Variants in TTLL5 observed in about 807,000 individuals in gnomAD.
The protein encoded by TTLL5 is tubulin tyrosine ligase like 5.
A neutral mutation model predicts 168.4 loss-of-function variants in TTLL5; 132 were observed. The ratio of observed to expected loss-of-function variants is 0.78; its 90% CI spans 0.68 to 0.91. The LOEUF is 0.91. Ranked by LOEUF, TTLL5 falls within the 40% of genes least tolerant of loss-of-function variation. The probability of loss-of-function intolerance (pLI) is 0.00; values close to 1 mark genes in which losing one functional copy is unlikely to be tolerated. For missense variants in TTLL5, 1,545 were observed against 1,581.5 expected (o/e 0.98, Z 0.39); for synonymous variants, 546 against 558.6 (o/e 0.98, Z 0.32).
At chr14:75,720,021 C>T (rs555474551) in intron 11 of TTLL5, among the ~76,000 whole-genome samples, 195 bp downstream of exon 11, 39 of 152,266 alleles carry the variant, frequency 2.6e-4, no homozygotes, top group African/African-American at 7.0e-4. Flanking sequence ...TTTCTTGTTT[C>T]GGGTCTGAAA....
At chr14:75,940,507 G>A (rs1459201928) in intron 31 of TTLL5, among the ~76,000 whole-genome samples, 1 of 152,160 alleles carries the variant, frequency 6.6e-6, no homozygotes, top group Non-Finnish European at 1.5e-5. Flanking sequence ...ATATACTCAA[G>A]TAGGTTATGC....
chr14:75,924,896 G>C (rs1021817294), intron 31 of TTLL5, among the ~76,000 whole-genome samples: 1 of 151,470 alleles, frequency 6.6e-6, no homozygotes, highest in African/African-American at 2.4e-5. Flanking sequence ...GGATGGGGCG[G>C]CTGGTCGGGC....
At position 75,766,338 on chromosome 14, in the gene TTLL5, T is replaced by A. The variant is rs1566594580; in HGVS notation, c.1985T>A (p.Met662Lys). 1.9e-6 allele frequency: 3 copies of A among 1,612,548 alleles called. No individual in the cohort carries two copies. Among genetic ancestry groups the A allele is most frequent in the Non-Finnish European group, 2.5e-6 (3 of 1,179,516 alleles). ...TQELEPKFNL[M>K]QILQDNGNLS... Reference sequence around the variant, plus strand: ...GAGCTAGAGCCTAAATTTAACCTGATGCAGATTCTTCAAGATAATGGCAAT... The same window carrying A: ...GAGCTAGAGCCTAAATTTAACCTGAAGCAGATTCTTCAAGATAATGGCAAT... Residue 662 changes from methionine (M) to lysine (K), a missense_variant, in exon 20 of 32, where the codon ATG (methionine) becomes AAG (lysine). Coordinates refer to ENST00000298832, the MANE Select transcript of TTLL5 (RefSeq NM_015072.5).
In TTLL5 at chr14:75,802,238, A is replaced by G. The variant is rs1893365350; in HGVS notation, c.3171+9138A>G. Among the ~76,000 whole-genome samples the G allele has an allele frequency of 2.0e-5, 3 of 151,440 alleles. No homozygotes were observed. In the South Asian group the frequency reaches 6.3e-4, roughly 32 times the overall value. On this transcript the variant is annotated intron_variant, in intron 27 of 31. Transcript: ENST00000298832. ...TCCTTAACTTTGTTCCACTATTTCAATATTTCTCCCCACCTTGAGTTAAAT... is the reference window on the plus strand; with the variant it reads ...TCCTTAACTTTGTTCCACTATTTCAGTATTTCTCCCCACCTTGAGTTAAAT...
intron 28 of TTLL5, among the ~76,000 whole-genome samples, chr14:75,832,807 G>C (rs530174747): frequency 2.6e-5 from 4 of 152,306 alleles, no homozygotes; most frequent in African/African-American, 9.6e-5. Flanking sequence ...AGCATTAAAC[G>C]GTCCATTCCA....
chr14:75,785,666 A>G (rs1892325267), intron 26 of TTLL5, among the ~76,000 whole-genome samples: 1 of 152,230 alleles, frequency 6.6e-6, no homozygotes, highest in Non-Finnish European at 1.5e-5. Context: ...CTTCTCAAAA[A>G]TCAATTAATT....
intron 31 of TTLL5, among the ~76,000 whole-genome samples, chr14:75,914,616 C>CTT (rs1301805389): frequency 2.3e-4 from 28 of 121,034 alleles, no homozygotes; most frequent in African/African-American, 8.6e-4. Flanking sequence ...GATCACTACT[C>CTT]TTGTTTTTTT....
At chr14:75,895,719 A>G (rs954440404) in intron 30 of TTLL5, among the ~76,000 whole-genome samples, 5 of 152,234 alleles carry the variant, frequency 3.3e-5, no homozygotes, top group South Asian at 2.1e-4. Flanking sequence ...AAAAGACAAG[A>G]AGGATTAAAA....
intron 9 of TTLL5, chr14:75,711,252 G>A (rs1390611782): frequency 1.3e-5 from 2 of 152,164 alleles, no homozygotes; most frequent in Non-Finnish European, 2.9e-5. Flanking sequence ...TCCCACAGTA[G>A]CCCTCAGAGG....
At position 75,735,188 on chromosome 14, in the gene TTLL5, C is replaced by G. The variant is rs772006292; in HGVS notation, c.1187-7C>G. ...GCAGGTTTTAATGTTGCCCATTCCC[C>G]ATTCAGGATTTGTGTGCCAAGATCC... On this transcript the variant is annotated splice_region_variant and splice_polypyrimidine_tract_variant and intron_variant, in intron 14 of 31. Coordinates refer to ENST00000298832, the MANE Select transcript of TTLL5 (RefSeq NM_015072.5). 309 of 1,614,044 alleles carry G rather than the reference C, an allele frequency of 1.9e-4. No homozygotes were observed. Among genetic ancestry groups the G allele is most frequent in the Middle Eastern group, 1.6e-3 (10 of 6,062 alleles).
rs1206549379 is a variant in TTLL5 at position 75,783,421 on chromosome 14, C to G, written c.2877C>G (p.Gly959=). 1.2e-6 allele frequency: 2 copies of G among 1,614,192 alleles called. No homozygotes were observed. Among genetic ancestry groups the G allele is most frequent in the South Asian group, 1.1e-5 (1 of 91,078 alleles). Residue 959 remains glycine, a synonymous_variant, in exon 26 of 32, where the codon GGC becomes GGG. Transcript: ENST00000298832. The stretch of plus-strand genomic sequence containing the variant: ...CACAGAACATCCCAAGCCCTACTGG[C>G]CTGCCACGCTGTCGATCAGGAAGTC... ...PGAQNIPSPT[G]LPRCRSGSHT...
chr14:75,923,155 C>G (rs1198519405), intron 31 of TTLL5, among the ~76,000 whole-genome samples: 1 of 152,174 alleles, frequency 6.6e-6, no homozygotes, highest in Non-Finnish European at 1.5e-5. Context: ...TCTCAAAAAA[C>G]CAGCTCCTGG....
chr14:75,708,407 A>T (rs1886803559), intron 9 of TTLL5, among the ~76,000 whole-genome samples: 1 of 151,836 alleles, frequency 6.6e-6, no homozygotes, highest in South Asian at 2.1e-4. Flanking sequence ...GCTCACTGCA[A>T]GCTCTGCCTC....
intron 18 of TTLL5, among the ~76,000 whole-genome samples, chr14:75,755,063 G>A (rs1047874449): frequency 3.9e-5 from 6 of 152,022 alleles, no homozygotes; most frequent in African/African-American, 1.4e-4. Context: ...TCGGGAGTTC[G>A]AGACCAGCCT....
At chr14:75,726,646 G>A (rs1314619324) in intron 12 of TTLL5, among the ~76,000 whole-genome samples, 1 of 152,150 alleles carries the variant, frequency 6.6e-6, no homozygotes, top group African/African-American at 2.4e-5. Flanking sequence ...CAGCAAGAAT[G>A]TAGTATGCAA....
chr14:75,776,960 C>A, intron 23 of TTLL5, 110 bp downstream of exon 23: 1 of 902,418 alleles, frequency 1.1e-6, no homozygotes, highest in Non-Finnish European at 1.7e-6. Context: ...TGAAATCACT[C>A]TTAAAGCCGG....
chr14:75,940,353 A>G (rs974635407), intron 31 of TTLL5, among the ~76,000 whole-genome samples: 35 of 152,300 alleles, frequency 2.3e-4, no homozygotes, highest in African/African-American at 8.2e-4. Flanking sequence ...TGCTGGGATT[A>G]CAGGCATGAG....
Position 75,662,956 on chromosome 14 carries a change from A to G in TTLL5, c.-95-99A>G. 5 of 681,056 alleles carry G rather than the reference A, an allele frequency of 7.3e-6. No homozygotes were observed. In the South Asian group the frequency reaches 7.8e-5, roughly 11 times the overall value. 42.2% of individuals were successfully genotyped at this position (681,056 alleles called of 1,614,324 possible). A position where few individuals can be genotyped will look rare whatever the true frequency, so the allele number is the denominator to read the frequency against. ...TAGAGGTTGAGCACTGTTTAGGAAT[A>G]TAGTCATTTTCATTACTTAGATTAT... On this transcript the variant is annotated intron_variant, in intron 1 of 31. Coordinates refer to ENST00000298832, the MANE Select transcript of TTLL5 (RefSeq NM_015072.5).
intron 31 of TTLL5, among the ~76,000 whole-genome samples, chr14:75,916,574 C>T (rs1233635625): frequency 6.6e-6 from 1 of 152,104 alleles, no homozygotes; most frequent in East Asian, 1.9e-4. Flanking sequence ...GAGGTCGAGG[C>T]TGCCATGATC....
Sources: gnomAD v4.1 joint callset for allele counts (sites outside exome capture counted in the v4.1 genomes callset) on GRCh38, gnomAD v4.1.1 for gene constraint, MANE v1.5 for transcripts, NCBI Gene and HGNC (gene_info 2026-07-23, HGNC 2026-07-21) for gene names.